The following NRXN3 variants were observed in gnomAD, a reference collection of about 807,000 sequenced individuals.
NRXN3 encodes the protein neurexin 3.
Under a neutral mutation model 137.6 loss-of-function variants are expected in NRXN3, and 32 were observed. The observed-to-expected ratio is 0.23, with a 90% confidence interval of 0.18 to 0.31. The LOEUF is 0.31. NRXN3 is among the 10% of genes least tolerant of loss of function. The pLI is 1.00. For synonymous variants in NRXN3, 798 were observed against 784.5 expected, an observed-to-expected ratio of 1.02 and a Z score of -0.29; for missense variants, 1,574 against 2,062.5, an observed-to-expected ratio of 0.76 and a Z score of 4.59.
At chr14:78,581,850 G>C (rs919981901) in intron 4 of NRXN3, among the ~76,000 whole-genome samples, 6 of 152,180 alleles carry the variant, frequency 3.9e-5, no homozygotes, top group African/African-American at 7.2e-5. Flanking sequence ...AACAGCAAAG[G>C]TGCCCATACC....
intron 4 of NRXN3, among the ~76,000 whole-genome samples, chr14:78,312,451 G>A (rs189800586): frequency 6.6e-6 from 1 of 152,104 alleles, no homozygotes; most frequent in African/African-American, 2.4e-5. Flanking sequence ...CATGTTGAGT[G>A]CAATAAAGAT....
intron 16 of NRXN3, among the ~76,000 whole-genome samples, chr14:79,585,885 C>A (rs2097762135): frequency 6.6e-6 from 1 of 152,076 alleles, no homozygotes; most frequent in East Asian, 1.9e-4. Flanking sequence ...CAGCAAATTG[C>A]TGCTGACTTA....
At chr14:78,989,534 G>T (rs554305961) in intron 15 of NRXN3, among the ~76,000 whole-genome samples, 1 of 152,124 alleles carries the variant, frequency 6.6e-6, no homozygotes, top group South Asian at 2.1e-4. Flanking sequence ...TCTGGAGAAA[G>T]TTTTGGTATA....
intron 10 of NRXN3, among the ~76,000 whole-genome samples, chr14:78,820,783 T>A (rs1328084038): frequency 6.6e-6 from 1 of 152,156 alleles, no homozygotes; most frequent in African/African-American, 2.4e-5. Context: ...TGGCTGAAAG[T>A]ATATTGCAGT....
At chr14:78,673,505 G>T (rs1459013804) in intron 6 of NRXN3, among the ~76,000 whole-genome samples, 1 of 152,136 alleles carries the variant, frequency 6.6e-6, no homozygotes, top group Admixed American at 6.5e-5. Flanking sequence ...TTGGGGTGTG[G>T]GTACGAAAAT....
At chr14:79,106,735 TATACAGAAC>T (rs1363559023) in intron 15 of NRXN3, among the ~76,000 whole-genome samples, 1 of 152,130 alleles carries the variant, frequency 6.6e-6, no homozygotes, top group Non-Finnish European at 1.5e-5. Context: ...AGTACTTCCC[TATACAGAAC>T]ATTCTTTTAA....
intron 4 of NRXN3, among the ~76,000 whole-genome samples, chr14:78,528,161 C>T (rs961020717): frequency 1.3e-5 from 2 of 152,216 alleles, no homozygotes; most frequent in Non-Finnish European, 2.9e-5. Flanking sequence ...GGAAGTAAAA[C>T]AACCCAAATT....
At chr14:79,525,146 T>C (rs1008473233) in intron 16 of NRXN3, among the ~76,000 whole-genome samples, 13 of 152,132 alleles carry the variant, frequency 8.5e-5, no homozygotes, top group Non-Finnish European at 8.8e-5. Context: ...ATGGCTAGCA[T>C]TGGGGAAGAA....
At chr14:78,203,932 C>G (rs1223163742) in intron 1 of NRXN3, among the ~76,000 whole-genome samples, 1 of 151,080 alleles carries the variant, frequency 6.6e-6, no homozygotes, top group Non-Finnish European at 1.5e-5. Context: ...CAGAAACACA[C>G]TGTGTTGTCT....
intron 4 of NRXN3, among the ~76,000 whole-genome samples, chr14:78,587,703 C>T (rs1040157184): frequency 2.6e-5 from 4 of 152,178 alleles, no homozygotes; most frequent in Non-Finnish European, 5.9e-5. Context: ...AATTAATACT[C>T]TCCCATTTTC....
chr14:79,631,062 T>G (rs2098339336), intron 16 of NRXN3, among the ~76,000 whole-genome samples: 1 of 152,158 alleles, frequency 6.6e-6, no homozygotes, highest in Admixed American at 6.5e-5. Flanking sequence ...TAGTCTCCTT[T>G]ATCGTGTAAA....
At chr14:79,517,670 T>C (rs962758834) in intron 16 of NRXN3, among the ~76,000 whole-genome samples, 2 of 152,018 alleles carry the variant, frequency 1.3e-5, no homozygotes, top group Non-Finnish European at 2.9e-5. Flanking sequence ...TTTAATATTT[T>C]TTTTCAGGTG....
At chr14:79,630,626 G>A (rs150950338) in intron 16 of NRXN3, among the ~76,000 whole-genome samples, 5 of 152,284 alleles carry the variant, frequency 3.3e-5, no homozygotes, top group South Asian at 2.1e-4. Context: ...GCCAGGTAGG[G>A]CTAAGGCAAT....
At chr14:78,221,024 T>C (rs2153424497) in intron 1 of NRXN3, among the ~76,000 whole-genome samples, 1 of 152,294 alleles carries the variant, frequency 6.6e-6, no homozygotes, top group East Asian at 1.9e-4. Context: ...ATATTGTAGT[T>C]GCATTTGTTG....
At chr14:78,234,556 C>T (rs958039599) in intron 1 of NRXN3, among the ~76,000 whole-genome samples, 2 of 152,176 alleles carry the variant, frequency 1.3e-5, no homozygotes, top group Non-Finnish European at 1.5e-5. Context: ...TTAACCACTA[C>T]ATTATCCCGC....
At chr14:78,518,189 C>A (rs2096238453) in intron 4 of NRXN3, among the ~76,000 whole-genome samples, 1 of 152,082 alleles carries the variant, frequency 6.6e-6, no homozygotes, top group Non-Finnish European at 1.5e-5. Context: ...TTCAGTGGTT[C>A]TTGGCAATTT....
intron 14 of NRXN3, among the ~76,000 whole-genome samples, chr14:78,969,288 A>G (rs1306076826): frequency 6.6e-6 from 1 of 152,206 alleles, no homozygotes; most frequent in East Asian, 1.9e-4. Context: ...AATTCTTTGC[A>G]GTGTAAACAA....
intron 4 of NRXN3, among the ~76,000 whole-genome samples, chr14:78,592,932 A>G (rs2097129211): frequency 6.6e-6 from 1 of 152,192 alleles, no homozygotes; most frequent in African/African-American, 2.4e-5. Flanking sequence ...TGGCTTGCAA[A>G]GTGGAAAGAT....
chr14:79,013,216 A>G (rs1385344972), intron 15 of NRXN3, among the ~76,000 whole-genome samples: 1 of 152,198 alleles, frequency 6.6e-6, no homozygotes, highest in African/African-American at 2.4e-5. Flanking sequence ...TTCTTCCCAC[A>G]TTAAAATGTT....
Sources: allele counts gnomAD v4.1 joint callset (sites outside exome capture counted in the v4.1 genomes callset), GRCh38; gene constraint gnomAD v4.1.1; transcripts MANE v1.5; gene names NCBI Gene and HGNC (gene_info 2026-07-23, HGNC 2026-07-21).